The following TXNL4B variants were observed in gnomAD, a reference collection of about 807,000 sequenced individuals.
TXNL4B encodes the protein thioredoxin like 4B.
Under a neutral mutation model 13.0 loss-of-function variants are expected in TXNL4B, and 12 were observed. That is an observed-to-expected ratio of 0.92 (90% CI 0.59 to 1.49). The LOEUF is 1.49. Ranked by LOEUF, TXNL4B falls within the 40% of genes most tolerant of loss-of-function variation. TXNL4B has a pLI of 0.00. For synonymous variants in TXNL4B, 59 were observed against 58.9 expected (o/e 1.00, Z -0.01); for missense variants, 214 against 173.6 (o/e 1.23, Z -1.31).
At chr16:72,087,438 C>T (rs997622582) in intron 3 of TXNL4B, 8 of 149,056 alleles carry the variant, frequency 5.4e-5, no homozygotes, top group Non-Finnish European at 1.0e-4. Context: ...CAGTAATATG[C>T]TTTTTTCTAG....
chr16:72,091,414 A>G (rs886396482), intron 1 of TXNL4B, among the ~76,000 whole-genome samples: 30 of 152,170 alleles, frequency 2.0e-4, no homozygotes, highest in Non-Finnish European at 4.1e-4. Flanking sequence ...GCTGACTCCA[A>G]CTGGAACCAG....
chr16:72,086,809 A>G lies in TXNL4B; in HGVS notation c.285-7T>C. ...CTTAGTGTGATCTGGAGATCTAGAC[A>G]GCATAGAAGAGAAACAACTGCTCTA... On this transcript the variant is annotated splice_region_variant and splice_polypyrimidine_tract_variant and intron_variant, in intron 3 of 3. Coordinates refer to ENST00000268483, the MANE Select transcript of TXNL4B (RefSeq NM_017853.3). 6.4e-7 allele frequency: 1 copy of G among 1,558,986 alleles called. No homozygotes were observed. The highest frequency in any genetic ancestry group is 1.2e-5 in the South Asian group (1 of 84,364).
Position 72,086,426 on chromosome 16 carries a change from T to C in TXNL4B, c.*211A>G, listed in dbSNP as rs956147691. 4 of 436,738 alleles carry C rather than the reference T, an allele frequency of 9.2e-6. No homozygotes were observed. Among genetic ancestry groups the C allele is most frequent in the African/African-American group, 7.9e-5 (4 of 50,508 alleles). 27.1% of individuals were successfully genotyped at this position (436,738 alleles called of 1,614,324 possible). A position where few individuals can be genotyped will look rare whatever the true frequency, so the allele number is the denominator to read the frequency against. On this transcript the variant is annotated 3_prime_UTR_variant, in exon 4 of 4. Transcript: ENST00000268483. ...ATGAACACCAATGACTTGGCTGCTC[T>C]GAGGCTTGCAGGGAGTAGACAGTTA...
At position 72,086,667 on chromosome 16, in the gene TXNL4B, G is replaced by C; in HGVS notation, c.420C>G (p.Pro140=). 1 of 1,613,588 alleles carries C rather than the reference G, an allele frequency of 6.2e-7. No individual in the cohort carries two copies. Among genetic ancestry groups the C allele is most frequent in the Non-Finnish European group, 8.5e-7 (1 of 1,179,560 alleles). Residue 140 remains proline, a synonymous_variant, in exon 4 of 4, where the codon CCC becomes CCG. Coordinates refer to ENST00000268483, the MANE Select transcript of TXNL4B (RefSeq NM_017853.3). ...VQSPIDPKNI[P]KYDLLYQDI ...TGTCTTGATAGAGAAGGTCATATTT[G>C]GGAATATTCTTGGGATCAATAGGAC...
chr16:72,092,633 T>A (rs915773509), intron 1 of TXNL4B, among the ~76,000 whole-genome samples: 23 of 151,926 alleles, frequency 1.5e-4, no homozygotes, highest in Non-Finnish European at 2.9e-4. Flanking sequence ...GTGTTACTGA[T>A]CGAAAGGAGA....
intron 2 of TXNL4B, chr16:72,090,106 G>A (rs1322989430): frequency 4.4e-6 from 2 of 455,966 alleles, no homozygotes; most frequent in East Asian, 6.9e-5. Context: ...GGTAGCAGTA[G>A]AAATGGCGGT....
rs1597425951 is a variant in TXNL4B at position 72,085,458 on chromosome 16, T to C, written c.*1179A>G. On this transcript the variant is annotated 3_prime_UTR_variant, in exon 4 of 4. Transcript: ENST00000268483. Reference sequence around the variant, plus strand: ...TGCCCACGGTTGCGCCAGGCACCCCTAGAAGAGCAAGAATTCCTTACAAAG... The same window carrying C: ...TGCCCACGGTTGCGCCAGGCACCCCCAGAAGAGCAAGAATTCCTTACAAAG... The C allele has an allele frequency of 1.3e-5, 2 of 157,946 alleles. No homozygotes were observed. The highest frequency in any genetic ancestry group is 4.8e-5 in the African/African-American group (2 of 41,684). 9.8% of individuals were successfully genotyped at this position (157,946 alleles called of 1,614,324 possible).
At position 72,088,980 on chromosome 16, in the gene TXNL4B, C is replaced by A; in HGVS notation, c.284+7G>T. ...GTTGCAATTAACTTCAGATCAACTG[C>A]ACTTACCCATAATCCACTTTCATAT... On this transcript the variant is annotated splice_region_variant and intron_variant, in intron 3 of 3. Coordinates refer to ENST00000268483, the MANE Select transcript of TXNL4B (RefSeq NM_017853.3). 1.3e-6 allele frequency: 2 copies of A among 1,593,118 alleles called. No homozygotes were observed. The highest frequency in any genetic ancestry group is 2.3e-5 in the East Asian group (1 of 44,432).
Position 72,084,857 on chromosome 16 carries a change from T to A in TXNL4B, c.*1780A>T, listed in dbSNP as rs2041800461. 1 of 398,514 alleles carries A rather than the reference T, an allele frequency of 2.5e-6. No homozygotes were observed. The highest frequency in any genetic ancestry group is 2.1e-5 in the African/African-American group (1 of 48,640). The allele number at this position is 398,514 out of a possible 1,614,324, so 24.7% of individuals were successfully genotyped here. ...AACAGAAAACCCAACTAACAGTGAC[T>A]TAGGCAAAAAGAAATTTTATTCTTT... On this transcript the variant is annotated 3_prime_UTR_variant, in exon 4 of 4. Coordinates refer to ENST00000268483, the MANE Select transcript of TXNL4B (RefSeq NM_017853.3).
intron 1 of TXNL4B, among the ~76,000 whole-genome samples, chr16:72,091,488 G>A (rs1241906588): frequency 6.6e-6 from 1 of 152,216 alleles, no homozygotes; most frequent in East Asian, 1.9e-4. Flanking sequence ...GGAGGATGAA[G>A]AATGGCTGTG....
intron 3 of TXNL4B, 105 bp from the exon 4 acceptor site, chr16:72,086,907 T>C (rs1327790647): frequency 7.9e-6 from 7 of 890,122 alleles, no homozygotes; most frequent in African/African-American, 1.7e-5. Context: ...TATTTTCTTC[T>C]TGTCAATGAG....
intron 3 of TXNL4B, among the ~76,000 whole-genome samples, chr16:72,087,711 C>A (rs1252913487): frequency 1.3e-5 from 2 of 152,018 alleles, no homozygotes; most frequent in Non-Finnish European, 2.9e-5. Context: ...TGTCACCAGA[C>A]TGGAGTGTAG....
rs550626882 is a variant in TXNL4B, at chr16:72,085,315, C to T, written c.*1322G>A. The T allele has an allele frequency of 5.3e-5, 15 of 280,924 alleles. No individual in the cohort carries two copies. Among genetic ancestry groups the T allele is most frequent in the African/African-American group, 2.0e-4 (9 of 46,146 alleles). 17.4% of individuals were successfully genotyped at this position (280,924 alleles called of 1,614,324 possible). A position where few individuals can be genotyped will look rare whatever the true frequency, so the allele number is the denominator to read the frequency against. On this transcript the variant is annotated 3_prime_UTR_variant, in exon 4 of 4. Coordinates refer to ENST00000268483, the MANE Select transcript of TXNL4B (RefSeq NM_017853.3). ...AGGCTTCTGTTGGAGAGGTGGTCAG[C>T]GGCTGCTAGGCAGGTCACAAGCTGC...
chr16:72,093,405 G>A lies in TXNL4B; in HGVS notation c.-76C>T, dbSNP rs1329903996. The A allele has an allele frequency of 6.6e-6, 1 of 152,336 alleles. No homozygotes were observed. The highest frequency in any genetic ancestry group is 1.5e-5 in the Non-Finnish European group (1 of 68,150). 9.4% of individuals were successfully genotyped at this position (152,336 alleles called of 1,614,324 possible). ...GCCGCCTCACTCCCTTTCACTTTGTGGCTGTCAGCAACCACTTCTCGGAAG... is the reference window on the plus strand; with the variant it reads ...GCCGCCTCACTCCCTTTCACTTTGTAGCTGTCAGCAACCACTTCTCGGAAG... On this transcript the variant is annotated 5_prime_UTR_variant, in exon 1 of 4. Transcript: ENST00000268483.
intron 3 of TXNL4B, among the ~76,000 whole-genome samples, chr16:72,087,846 C>T (rs1434612465): frequency 5.9e-5 from 9 of 151,824 alleles, no homozygotes; most frequent in Admixed American, 4.6e-4. Flanking sequence ...TTTTTTGAGA[C>T]GGCAGCTCTG....
In TXNL4B at chr16:72,086,445, A is replaced by G. The variant is rs2041824170; in HGVS notation, c.*192T>C. On this transcript the variant is annotated 3_prime_UTR_variant, in exon 4 of 4. Coordinates refer to ENST00000268483, the MANE Select transcript of TXNL4B (RefSeq NM_017853.3). Reference sequence around the variant, plus strand: ...CTGCTCTGAGGCTTGCAGGGAGTAGACAGTTAGGCATCCCAGGTCATCAGA... The same window carrying G: ...CTGCTCTGAGGCTTGCAGGGAGTAGGCAGTTAGGCATCCCAGGTCATCAGA... The G allele has an allele frequency of 1.0e-5, 5 of 489,910 alleles. No homozygotes were observed. The highest frequency in any genetic ancestry group is 1.8e-5 in the Non-Finnish European group (5 of 274,076). The allele number at this position is 489,910 out of a possible 1,614,324, so 30.3% of individuals were successfully genotyped here.
rs1373800504 is a variant in TXNL4B at position 72,085,034 on chromosome 16, A to C, written c.*1603T>G. The C allele has an allele frequency of 5.0e-6, 2 of 398,460 alleles. No individual in the cohort carries two copies. The highest frequency in any genetic ancestry group is 4.1e-5 in the African/African-American group (2 of 48,604). 24.7% of individuals were successfully genotyped at this position (398,460 alleles called of 1,614,324 possible). ...GATGGCTGTTGTAGCTCCATGCATC[A>C]TGATTAAACCAGAGACAGGAAGTGT... is the stretch of plus-strand genomic sequence containing the variant. On this transcript the variant is annotated 3_prime_UTR_variant, in exon 4 of 4. Coordinates refer to ENST00000268483, the MANE Select transcript of TXNL4B (RefSeq NM_017853.3).
Position 72,093,477 on chromosome 16 carries a change from A to G in TXNL4B, c.-148T>C, listed in dbSNP as rs2041951653. 1 of 152,116 alleles carries G rather than the reference A, an allele frequency of 6.6e-6. No homozygotes were observed. Among genetic ancestry groups the G allele is most frequent in the African/African-American group, 2.4e-5 (1 of 41,406 alleles). The allele number at this position is 152,116 out of a possible 1,614,324, so 9.4% of individuals were successfully genotyped here. A position where few individuals can be genotyped will look rare whatever the true frequency, so the allele number is the denominator to read the frequency against. ...TTTCATCAGCCCCAAGCCGGACAGG[A>G]CCCTAAGACCAAGTCACCCAGGGGC... On this transcript the variant is annotated 5_prime_UTR_variant, in exon 1 of 4. Coordinates refer to ENST00000268483, the MANE Select transcript of TXNL4B (RefSeq NM_017853.3).
At position 72,086,789 on chromosome 16, in the gene TXNL4B, T is replaced by C; in HGVS notation, c.298A>G (p.Thr100Ala). ...MKVDYGSPDH[T>A]KFVGSFKTKQ... ...GTTTTGAAGCTTCCCACAAACTTAG[T>C]GTGATCTGGAGATCTAGACAGCATA... The change falls in exon 4 of 4, where the codon ACT becomes GCT. Residue 100 changes from threonine (T) to alanine (A), a missense_variant. Coordinates refer to ENST00000268483, the MANE Select transcript of TXNL4B (RefSeq NM_017853.3). The C allele has an allele frequency of 1.2e-6, 2 of 1,610,938 alleles. No homozygotes were observed. The highest frequency in any genetic ancestry group is 1.7e-6 in the Non-Finnish European group (2 of 1,177,512).
Sources: allele counts gnomAD v4.1 joint callset (sites outside exome capture counted in the v4.1 genomes callset), GRCh38; gene constraint gnomAD v4.1.1; transcripts MANE v1.5; gene names NCBI Gene and HGNC (gene_info 2026-07-23, HGNC 2026-07-21).